CCDC73: variants seen among roughly 807,000 people sequenced by gnomAD.
CCDC73 encodes the protein coiled-coil domain-containing protein 73.
Under a neutral mutation model 116.5 loss-of-function variants are expected in CCDC73, and 95 were observed. The observed-to-expected ratio is 0.82, with a 90% CI of 0.69 to 0.97. CCDC73 has a LOEUF of 0.97. Among genes scored for constraint, CCDC73 ranks in the 50% least tolerant of loss-of-function variants. The pLI, the probability that CCDC73 is intolerant of heterozygous loss-of-function variation, is 0.00. For synonymous variants in CCDC73, 398 were observed against 401.3 expected (o/e 0.99, Z 0.10); for missense variants, 1,066 against 1,206.8 (o/e 0.88, Z 1.73).
At position 32,616,146 on chromosome 11, in the gene CCDC73, G is replaced by A. The variant is rs566487796; in HGVS notation, c.1186-17C>T. 6.5e-7 allele frequency: 1 copy of A among 1,548,928 alleles called. No individual in the cohort carries two copies. Among genetic ancestry groups the A allele is most frequent in the South Asian group, 1.2e-5 (1 of 81,422 alleles). On this transcript the variant is annotated splice_polypyrimidine_tract_variant and intron_variant, in intron 14 of 17. Transcript: ENST00000335185. ...TGGAACATTCTAGTGTAAAATGGAA[G>A]AGATTCTTTTAAAAACATTGCCTAC...
upstream of CCDC73, among the ~76,000 whole-genome samples, chr11:32,799,320 G>A (rs912219024): frequency 1.8e-4 from 28 of 151,872 alleles, no homozygotes; most frequent in African/African-American, 4.6e-4. Context: ...TCGAACTCCC[G>A]ACCTCAACTG....
chr11:32,755,632 CAT>C (rs1205580489), intron 2 of CCDC73, among the ~76,000 whole-genome samples: 10 of 58,632 alleles, frequency 1.7e-4, no homozygotes, highest in African/African-American at 5.3e-4. Context: ...TATATATCTC[CAT>C]ATATATGTGT....
intron 2 of CCDC73, among the ~76,000 whole-genome samples, chr11:32,755,645 ATATATATATCTCCATATATATGTG>A (rs1850330645): frequency 6.2e-5 from 6 of 97,342 alleles, no homozygotes; most frequent in African/African-American, 1.7e-4. Flanking sequence ...ATATATGTGT[ATATATATATCTCCATATATATGTG>A]TATATATATA....
At chr11:32,640,408 T>C (rs113170758) in intron 13 of CCDC73, among the ~76,000 whole-genome samples, 3 of 151,820 alleles carry the variant, frequency 2.0e-5, no homozygotes, top group Admixed American at 2.0e-4. Context: ...ATCTTTTTGG[T>C]TTTTTTTGCA....
At chr11:32,735,774 A>G (rs1278904347) in intron 2 of CCDC73, among the ~76,000 whole-genome samples, 1 of 152,238 alleles carries the variant, frequency 6.6e-6, no homozygotes, top group Non-Finnish European at 1.5e-5. Context: ...ACATGGCTAC[A>G]GGAACCAAAA....
At chr11:32,740,759 T>A (rs1286539899) in intron 2 of CCDC73, among the ~76,000 whole-genome samples, 3 of 152,024 alleles carry the variant, frequency 2.0e-5, no homozygotes, top group African/African-American at 7.2e-5. Context: ...TTAAGATGTA[T>A]AATTAGGTTG....
At chr11:32,683,702 C>T (rs572915421) in intron 6 of CCDC73, 128 bp from the exon 7 acceptor site, 60 of 592,294 alleles carry the variant, frequency 1.0e-4, no homozygotes, top group Non-Finnish European at 1.7e-4. Flanking sequence ...ATTTATTCAA[C>T]ACACATTTAT....
intron 14 of CCDC73, among the ~76,000 whole-genome samples, chr11:32,625,620 T>C (rs1194429785): frequency 1.3e-5 from 2 of 152,148 alleles, no homozygotes; most frequent in East Asian, 3.9e-4. Flanking sequence ...CACTCTCTTC[T>C]GGCTTGTAGA....
intron 2 of CCDC73, among the ~76,000 whole-genome samples, chr11:32,737,139 C>A (rs1036333733): frequency 8.6e-5 from 13 of 151,098 alleles, no homozygotes; most frequent in Non-Finnish European, 1.6e-4. Flanking sequence ...TTCAATCATC[C>A]AATTCTGCAT....
At chr11:32,806,395 G>T in the CCDC73 span, among the ~76,000 whole-genome samples, 1 of 152,052 alleles carries the variant, frequency 6.6e-6, no homozygotes, top group Non-Finnish European at 1.5e-5. Context: ...TGAGGCGGGT[G>T]GGGGGATCCC....
upstream of CCDC73, among the ~76,000 whole-genome samples, chr11:32,795,028 T>C (rs1762615674): frequency 6.6e-6 from 1 of 151,880 alleles, no homozygotes; most frequent in African/African-American, 2.4e-5. Context: ...TTTGGAAAGA[T>C]GAAAGAAAAA....
At chr11:32,743,804 G>T (rs1044164651) in intron 2 of CCDC73, among the ~76,000 whole-genome samples, 21 of 152,018 alleles carry the variant, frequency 1.4e-4, no homozygotes, top group South Asian at 1.2e-3. Flanking sequence ...AAGGAGATTT[G>T]GGGCTGAGAT....
At chr11:32,782,805 C>A (rs1277567546) in intron 1 of CCDC73, among the ~76,000 whole-genome samples, 3 of 151,622 alleles carry the variant, frequency 2.0e-5, no homozygotes, top group Non-Finnish European at 4.4e-5. Flanking sequence ...AGAAACAGTT[C>A]TTATAAAAAT....
chr11:32,771,995 C>A (rs1850495572), intron 1 of CCDC73, among the ~76,000 whole-genome samples: 1 of 152,200 alleles, frequency 6.6e-6, no homozygotes, highest in South Asian at 2.1e-4. Context: ...GCCCAGCCAT[C>A]CCAAATGTCC....
At chr11:32,680,106 TG>T (rs1856129939) in intron 7 of CCDC73, 1 of 152,232 alleles carries the variant, frequency 6.6e-6, no homozygotes, top group African/African-American at 2.4e-5. Flanking sequence ...TTTACTACCC[TG>T]ATTTAGTTTT....
chr11:32,639,005 G>A (rs558595893), intron 13 of CCDC73, among the ~76,000 whole-genome samples: 28 of 151,538 alleles, frequency 1.8e-4, no homozygotes, highest in Non-Finnish European at 3.7e-4. Context: ...AAAGTTAGCC[G>A]GGCATGGTGG....
In CCDC73 at chr11:32,675,654, G is replaced by C; in HGVS notation, c.566-10C>G. ...TGTATTGCTTCCCGTACTGCAACAT[G>C]AAAGACATTTAAGAAAGCATTATAT... On this transcript the variant is annotated splice_polypyrimidine_tract_variant and intron_variant, in intron 8 of 17. Coordinates refer to ENST00000335185, the MANE Select transcript of CCDC73 (RefSeq NM_001008391.4). 6.4e-7 allele frequency: 1 copy of C among 1,570,712 alleles called. No homozygotes were observed. Among genetic ancestry groups the C allele is most frequent in the Non-Finnish European group, 8.6e-7 (1 of 1,160,704 alleles).
chr11:32,603,401 G>A (rs965536639), intron 17 of CCDC73: 4 of 158,592 alleles, frequency 2.5e-5, no homozygotes, highest in Non-Finnish European at 5.5e-5. Context: ...TCATTTTAAG[G>A]TTCTTTTCTG....
the CCDC73 span, among the ~76,000 whole-genome samples, chr11:32,802,866 C>G: frequency 2.6e-5 from 4 of 151,746 alleles, no homozygotes; most frequent in Non-Finnish European, 4.4e-5. Flanking sequence ...AATTCTCATG[C>G]CTCAGCCTCC....
Sources: allele counts gnomAD v4.1 joint callset (sites outside exome capture counted in the v4.1 genomes callset), GRCh38; gene constraint gnomAD v4.1.1; transcripts MANE v1.5; gene names NCBI Gene and HGNC (gene_info 2026-07-23, HGNC 2026-07-21).